The following FNIP1 variants were observed in gnomAD, a reference collection of about 807,000 sequenced individuals.
FNIP1 encodes folliculin interacting protein 1, also known as folliculin-interacting protein 1.
In FNIP1, 40 loss-of-function variants were observed where a neutral mutation model predicts 124.5. The observed-to-expected ratio is 0.32, with a 90% CI of 0.25 to 0.42. The LOEUF is 0.42. Among genes scored for constraint, FNIP1 ranks in the 10% least tolerant of loss-of-function variants. The pLI, the probability that FNIP1 is intolerant of heterozygous loss-of-function variation, is 1.00. For synonymous variants in FNIP1, 472 were observed against 470.6 expected, an observed-to-expected ratio of 1.00 and a Z score of -0.04; for missense variants, 1,176 against 1,403.7, an observed-to-expected ratio of 0.84 and a Z score of 2.59.
intron 1 of FNIP1, among the ~76,000 whole-genome samples, chr5:131,773,065 T>C (rs775468916): frequency 1.3e-5 from 2 of 152,190 alleles, no homozygotes; most frequent in African/African-American, 4.8e-5. Context: ...CCCTTCCTGA[T>C]GCTATTCCTA....
chr5:131,672,444 C>T lies in FNIP1; in HGVS notation c.2000G>A (p.Arg667Lys). The change falls in exon 14 of 18, where the codon AGA becomes AAA. Residue 667 changes from arginine to lysine, a missense_variant. Physicochemically the swap from Arg to Lys is conservative, Grantham distance 26. This residue lies in a region of FNIP1 where 1,109 missense variants were observed against 1,288.5 expected (regional missense o/e 0.86). Transcript: ENST00000510461. ...EENAVDVKQY[R>K]DKLRTCFDAK... ...GTCAAAGCAAGTTCTTAATTTATCT[C>T]TGTACTGTTTAACATCAACAGCATT... The T allele has an allele frequency of 1.2e-6, 2 of 1,613,616 alleles. No homozygotes were observed. Among genetic ancestry groups the T allele is most frequent in the South Asian group, 1.1e-5 (1 of 91,074 alleles).
intron 1 of FNIP1, among the ~76,000 whole-genome samples, chr5:131,752,132 C>T (rs924025952): frequency 2.0e-5 from 3 of 152,274 alleles, no homozygotes; most frequent in Middle Eastern, 3.4e-3. Flanking sequence ...CAAGCTCCGC[C>T]TCTCCGGTTC....
intron 2 of FNIP1, among the ~76,000 whole-genome samples, chr5:131,741,413 A>C (rs1445651573): frequency 6.6e-6 from 1 of 152,236 alleles, no homozygotes; most frequent in East Asian, 1.9e-4. Flanking sequence ...TAATCAAAGC[A>C]TTTATGTAGT....
chr5:131,738,108 A>T (rs1384364996), intron 2 of FNIP1, among the ~76,000 whole-genome samples: 1 of 152,184 alleles, frequency 6.6e-6, no homozygotes, highest in African/African-American at 2.4e-5. Flanking sequence ...CATATTGCCC[A>T]GGCTGGCCTC....
chr5:131,753,738 T>G (rs1346462264), intron 1 of FNIP1, among the ~76,000 whole-genome samples: 1 of 152,206 alleles, frequency 6.6e-6, no homozygotes, highest in East Asian at 1.9e-4. Flanking sequence ...AGCTCAATTT[T>G]TAAAAGAGAA....
At chr5:131,795,334 A>T (rs1300056247) in intron 1 of FNIP1, among the ~76,000 whole-genome samples, 1 of 152,172 alleles carries the variant, frequency 6.6e-6, no homozygotes, top group Non-Finnish European at 1.5e-5. Flanking sequence ...AGTATTACGC[A>T]ACTATGTAGT....
intron 11 of FNIP1, among the ~76,000 whole-genome samples, chr5:131,681,059 G>A (rs577548314): frequency 7.2e-5 from 11 of 152,236 alleles, no homozygotes; most frequent in African/African-American, 2.2e-4. Context: ...TAAATGGTTG[G>A]CAGCTCCCTA....
chr5:131,667,156 C>T (rs1462064766), intron 15 of FNIP1, among the ~76,000 whole-genome samples: 2 of 152,190 alleles, frequency 1.3e-5, no homozygotes, highest in Non-Finnish European at 2.9e-5. Context: ...TCAGGCACTA[C>T]TTTTGTTATG....
intron 11 of FNIP1, among the ~76,000 whole-genome samples, chr5:131,694,075 T>A (rs932662632): frequency 1.3e-5 from 2 of 152,172 alleles, no homozygotes; most frequent in African/African-American, 4.8e-5. Context: ...CCATATCAAA[T>A]GCTGACAAGG....
intron 1 of FNIP1, among the ~76,000 whole-genome samples, chr5:131,751,786 A>G (rs1770880232): frequency 6.6e-6 from 1 of 152,198 alleles, no homozygotes; most frequent in Non-Finnish European, 1.5e-5. Context: ...TTCCATTTAC[A>G]TGACTTGTCC....
At chr5:131,673,008 C>T in intron 13 of FNIP1, 84 bp from the exon 14 acceptor site, 3 of 966,032 alleles carry the variant, frequency 3.1e-6, no homozygotes, top group South Asian at 2.1e-5. Flanking sequence ...AAACCTACTT[C>T]TTTTACTGTA....
intron 15 of FNIP1, among the ~76,000 whole-genome samples, chr5:131,656,728 G>A (rs560431002): frequency 6.6e-6 from 1 of 152,228 alleles, no homozygotes; most frequent in South Asian, 2.1e-4. Context: ...GCCTGAACAG[G>A]TTTTTATTGC....
At chr5:131,709,396 C>T in intron 7 of FNIP1, 124 bp from the exon 8 acceptor site, 2 of 762,602 alleles carry the variant, frequency 2.6e-6, no homozygotes, top group Non-Finnish European at 4.4e-6. Context: ...TTTTCAATAG[C>T]ATGGCACCAA....
At chr5:131,693,315 TACAC>T (rs1226278607) in intron 11 of FNIP1, among the ~76,000 whole-genome samples, 222 of 19,010 alleles carry the variant, frequency 0.012, no homozygotes, top group African/African-American at 0.026. Flanking sequence ...TATATATATA[TACAC>T]ATATATATAT....
chr5:131,772,761 C>T (rs1771682802), intron 1 of FNIP1, among the ~76,000 whole-genome samples: 1 of 152,164 alleles, frequency 6.6e-6, no homozygotes, highest in Non-Finnish European at 1.5e-5. Context: ...TGTTTCCCAT[C>T]TCTCTGCTAC....
At chr5:131,733,948 C>G (rs910089217) in intron 2 of FNIP1, among the ~76,000 whole-genome samples, 3 of 152,216 alleles carry the variant, frequency 2.0e-5, no homozygotes, top group African/African-American at 7.2e-5. Flanking sequence ...GGCTGTGAAT[C>G]TGTCTGGTCC....
chr5:131,669,578 CACG>C (rs1767691268), intron 15 of FNIP1, among the ~76,000 whole-genome samples: 1 of 151,814 alleles, frequency 6.6e-6, no homozygotes, highest in African/African-American at 2.4e-5. Context: ...TGAAAAATGA[CACG>C]ACAATACAAT....
At chr5:131,719,853 T>G (rs548635) in intron 3 of FNIP1, among the ~76,000 whole-genome samples, 97,791 of 152,130 alleles carry the variant, frequency 0.64, 33,245 homozygotes, top group Non-Finnish European at 0.77. Flanking sequence ...CTGTTGTATA[T>G]AAGAAGCATC....
At chr5:131,667,582 T>C (rs959971614) in intron 15 of FNIP1, among the ~76,000 whole-genome samples, 6 of 151,778 alleles carry the variant, frequency 4.0e-5, no homozygotes, top group African/African-American at 1.4e-4. Flanking sequence ...TTTTTGTTTG[T>C]TTGTTTGTTT....
Sources: allele counts gnomAD v4.1 joint callset (sites outside exome capture counted in the v4.1 genomes callset), GRCh38; gene constraint gnomAD v4.1.1; regional missense constraint gnomAD v4.1.1; transcripts MANE v1.5; gene names NCBI Gene and HGNC (gene_info 2026-07-23, HGNC 2026-07-21).